Variants in HSPA4 observed in about 807,000 individuals in gnomAD.
HSPA4 encodes the protein heat shock 70 kDa protein 4.
A neutral mutation model predicts 106.2 loss-of-function variants in HSPA4; 25 were observed. That is an observed-to-expected ratio of 0.24 (90% CI 0.17 to 0.33). The LOEUF (loss-of-function observed/expected upper bound fraction) is 0.33. Ranked by LOEUF, HSPA4 falls within the 10% of genes least tolerant of loss-of-function variation. The pLI, the probability that HSPA4 is intolerant of heterozygous loss-of-function variation, is 1.00. For synonymous variants in HSPA4, 332 were observed against 333.6 expected (o/e 1.00, Z 0.05); for missense variants, 841 against 996.0 (o/e 0.84, Z 2.10).
At chr5:133,089,724 A>T in intron 11 of HSPA4, 29 bp downstream of exon 11, 2 of 538,940 alleles carry the variant, frequency 3.7e-6, no homozygotes, top group Non-Finnish European at 5.0e-6. Flanking sequence ...ATTAAAAAAG[A>T]AAAAAAAAAA....
At chr5:133,053,311 C>T (rs1013300949) in intron 1 of HSPA4, among the ~76,000 whole-genome samples, 2 of 147,432 alleles carry the variant, frequency 1.4e-5, no homozygotes, top group African/African-American at 5.0e-5. Context: ...TATTATTTGC[C>T]ATTCAGGGTC....
At chr5:133,061,220 T>G (rs1290213512) in intron 1 of HSPA4, among the ~76,000 whole-genome samples, 2 of 151,762 alleles carry the variant, frequency 1.3e-5, no homozygotes, top group Non-Finnish European at 2.9e-5. Flanking sequence ...CCTGCTGGGT[T>G]CACGCCATTC....
intron 12 of HSPA4, 23 bp downstream of exon 12, chr5:133,091,397 C>T (rs777768290): frequency 1.3e-6 from 2 of 1,572,302 alleles, no homozygotes; most frequent in Non-Finnish European, 1.7e-6. Context: ...TTGTATACCA[C>T]TTGTGATGGC....
In HSPA4 at chr5:133,065,454, T is replaced by A. The variant is rs535550006; in HGVS notation, c.165+417T>A. ...GGACTTGAGCATCTGTGGATTTTGG[T>A]CTAATTCAAGGAGTGCCCTGGAATC... On this transcript the variant is annotated intron_variant, in intron 2 of 18. Transcript: ENST00000304858. Among the ~76,000 whole-genome samples, 7 of 152,326 alleles carry A rather than the reference T, an allele frequency of 4.6e-5. No individual in the cohort carries two copies. In the South Asian group the frequency reaches 1.5e-3, roughly 32 times the overall value.
intron 5 of HSPA4, 70 bp downstream of exon 5, chr5:133,073,399 G>A: frequency 1.9e-6 from 2 of 1,051,988 alleles, no homozygotes; most frequent in East Asian, 2.4e-5. Context: ...AAAACCCTGG[G>A]GTTTCTTGCT....
At chr5:133,093,086 C>T (rs1765670508) in intron 13 of HSPA4, among the ~76,000 whole-genome samples, 1 of 151,490 alleles carries the variant, frequency 6.6e-6, no homozygotes, top group African/African-American at 2.4e-5. Flanking sequence ...CTGTCTTGTC[C>T]TCCCAAAGTG....
intron 1 of HSPA4, among the ~76,000 whole-genome samples, chr5:133,060,765 A>G (rs1276695155): frequency 6.6e-6 from 1 of 150,620 alleles, no homozygotes; most frequent in East Asian, 1.9e-4. Flanking sequence ...ACATCAATAG[A>G]TAATTTTAAA....
intron 5 of HSPA4, 63 bp downstream of exon 5, chr5:133,073,392 A>G: frequency 8.9e-7 from 1 of 1,118,330 alleles, no homozygotes. Context: ...AAATTTTAAA[A>G]CCCTGGGGTT....
chr5:133,072,175 C>T (rs887286156), intron 4 of HSPA4, among the ~76,000 whole-genome samples: 1 of 152,084 alleles, frequency 6.6e-6, no homozygotes, highest in Non-Finnish European at 1.5e-5. Flanking sequence ...GGAGGGTTCA[C>T]GGGCCCTAGC....
chr5:133,089,410 T>A, intron 10 of HSPA4, 152 bp from the exon 11 acceptor site: 1 of 700,882 alleles, frequency 1.4e-6, no homozygotes, highest in Non-Finnish European at 2.3e-6. Context: ...ACTTTATATA[T>A]AAAGATTCTT....
intron 7 of HSPA4, among the ~76,000 whole-genome samples, chr5:133,084,718 C>T (rs960034823): frequency 1.1e-4 from 17 of 152,156 alleles, no homozygotes; most frequent in African/African-American, 3.9e-4. Context: ...GATCCACCCG[C>T]CTCAGCCTCC....
chr5:133,105,632 C>A lies in HSPA4; in HGVS notation c.*1196C>A, dbSNP rs1429766841. On this transcript the variant is annotated 3_prime_UTR_variant, in exon 19 of 19. Transcript: ENST00000304858. The stretch of plus-strand genomic sequence containing the variant: ...TCCAAGGGAAGCCTGTGTTTGAGGC[C>A]AGAGTTGGTACCTGCTTTAAGAAAC... The A allele has an allele frequency of 2.0e-5, 3 of 152,084 alleles. No homozygotes were observed. Among genetic ancestry groups the A allele is most frequent in the African/African-American group, 7.2e-5 (3 of 41,408 alleles). 9.4% of individuals were successfully genotyped at this position (152,084 alleles called of 1,614,324 possible). A position where few individuals can be genotyped will look rare whatever the true frequency, so the allele number is the denominator to read the frequency against.
At chr5:133,060,922 T>TTTA (rs1037819486) in intron 1 of HSPA4, among the ~76,000 whole-genome samples, 1 of 151,124 alleles carries the variant, frequency 6.6e-6, no homozygotes, top group African/African-American at 2.4e-5. Flanking sequence ...AGAACTGAGT[T>TTTA]TTAAATTTTA....
At chr5:133,085,489 T>TTAAAAAAAAAAAAAAAAAAAA (rs1554089513) in intron 7 of HSPA4, among the ~76,000 whole-genome samples, 7 of 110,270 alleles carry the variant, frequency 6.3e-5, no homozygotes, top group African/African-American at 3.0e-4. Context: ...CCATCTCTAC[T>TTAAAAAAAAAAAAAAAAAAAA]AAAAAAAAAA....
chr5:133,080,230 A>G (rs557157809), intron 7 of HSPA4, among the ~76,000 whole-genome samples: 4 of 151,760 alleles, frequency 2.6e-5, no homozygotes, highest in Admixed American at 2.6e-4. Context: ...CCTGGGCAAC[A>G]TGGCAAAACC....
intron 3 of HSPA4, among the ~76,000 whole-genome samples, chr5:133,069,052 G>A (rs1765347654): frequency 6.6e-6 from 1 of 152,150 alleles, no homozygotes; most frequent in Admixed American, 6.6e-5. Context: ...ACGCAAGCTT[G>A]AGTTAGGGCA....
At chr5:133,093,946 A>G (rs1441162883) in intron 13 of HSPA4, among the ~76,000 whole-genome samples, 1 of 152,110 alleles carries the variant, frequency 6.6e-6, no homozygotes, top group Non-Finnish European at 1.5e-5. Context: ...TACAAAATTT[A>G]TCCCAGTGGG....
Position 133,092,806 on chromosome 5 carries a change from G to GTTTTTTTTTTTTTTTTTTTT in HSPA4, c.1650+30_1650+49dup. On this transcript the variant is annotated intron_variant, in intron 13 of 18. Coordinates refer to ENST00000304858, the MANE Select transcript of HSPA4 (RefSeq NM_002154.4). Reference sequence around the variant, plus strand: ...GAAATGGAGGTATGCATTGGGTGGTGTTTTTTTTTTTTTTTTTTTTTTTTT... The same window carrying GTTTTTTTTTTTTTTTTTTTT: ...GAAATGGAGGTATGCATTGGGTGGTGTTTTTTTTTTTTTTTTTTTTTTTTTTTTTTTTTTTTTTTTTTTTT... 1 of 467,634 alleles carries GTTTTTTTTTTTTTTTTTTTT rather than the reference G, an allele frequency of 2.1e-6. No individual in the cohort carries two copies. Among genetic ancestry groups the GTTTTTTTTTTTTTTTTTTTT allele is most frequent in the East Asian group, 7.7e-5 (1 of 12,930 alleles). The allele number at this position is 467,634 out of a possible 1,614,324, so 29.0% of individuals were successfully genotyped here.
intron 15 of HSPA4, among the ~76,000 whole-genome samples, chr5:133,099,197 T>C (rs937492564): frequency 6.6e-6 from 1 of 152,200 alleles, no homozygotes; most frequent in African/African-American, 2.4e-5. Context: ...TGGCCCCATC[T>C]TGGGTCACTG....
Sources: allele counts gnomAD v4.1 joint callset (sites outside exome capture counted in the v4.1 genomes callset), GRCh38; gene constraint gnomAD v4.1.1; transcripts MANE v1.5; gene names NCBI Gene and HGNC (gene_info 2026-07-23, HGNC 2026-07-21).